PTPRR: variants seen among roughly 807,000 people sequenced by gnomAD.
The protein encoded by PTPRR is receptor-type tyrosine-protein phosphatase R.
PTPRR carries 38 observed loss-of-function variants against 77.2 expected under a neutral mutation model. That is an observed-to-expected ratio of 0.49 (90% CI 0.38 to 0.65). PTPRR has a LOEUF of 0.65. PTPRR is among the 30% of genes least tolerant of loss of function. PTPRR has a pLI of 0.00. For missense variants in PTPRR, 744 were observed against 799.2 expected (o/e 0.93, Z 0.83); for synonymous variants, 299 against 283.1 (o/e 1.06, Z -0.57).
Position 70,920,354 on chromosome 12 carries a change from G to C in PTPRR, c.37C>G (p.Leu13Val). The change falls in exon 1 of 14, where the codon CTC becomes GTC. Residue 13 changes from leucine to valine, a missense_variant. By Grantham distance (32) the Leu-to-Val change is conservative (BLOSUM62 1). Transcript: ENST00000283228. ...RAVCFPALCL[L>V]LNLHAAGCFS... ...TTACCTGCAGCGTGAAGATTAAGGAGCAGGCACAGCGCAGGGAAGCAGACT... is the reference window on the plus strand; with the variant it reads ...TTACCTGCAGCGTGAAGATTAAGGACCAGGCACAGCGCAGGGAAGCAGACT... The C allele has an allele frequency of 6.2e-7, 1 of 1,613,912 alleles. No individual in the cohort carries two copies. The highest frequency in any genetic ancestry group is 8.5e-7 in the Non-Finnish European group (1 of 1,179,928).
intron 1 of PTPRR, among the ~76,000 whole-genome samples, chr12:70,900,045 A>G (rs1192604215): frequency 6.6e-6 from 1 of 151,594 alleles, no homozygotes; most frequent in East Asian, 1.9e-4. Flanking sequence ...TAAATAAACA[A>G]CAAATATACT....
intron 9 of PTPRR, 40 bp downstream of exon 9, chr12:70,684,664 T>A (rs780453941): frequency 7.5e-7 from 1 of 1,338,240 alleles, no homozygotes; most frequent in Non-Finnish European, 1.0e-6. Flanking sequence ...CAATTCCAAA[T>A]AGGAAGTCAC....
At chr12:70,846,968 A>T (rs1425835732) in intron 2 of PTPRR, among the ~76,000 whole-genome samples, 1 of 151,956 alleles carries the variant, frequency 6.6e-6, no homozygotes, top group Non-Finnish European at 1.5e-5. Context: ...CCTCCCTCTC[A>T]TGCCACTGTG....
At chr12:70,867,707 A>G (rs943617479) in intron 2 of PTPRR, among the ~76,000 whole-genome samples, 34 of 152,302 alleles carry the variant, frequency 2.2e-4, no homozygotes, top group Non-Finnish European at 4.4e-4. Flanking sequence ...ATATGGAACC[A>G]AAAAAGAGCC....
chr12:70,784,521 C>T (rs915771882), intron 2 of PTPRR, among the ~76,000 whole-genome samples: 1 of 152,172 alleles, frequency 6.6e-6, no homozygotes, highest in Non-Finnish European at 1.5e-5. Context: ...AACCTAGCCC[C>T]GCTCCAATGG....
intron 4 of PTPRR, among the ~76,000 whole-genome samples, chr12:70,755,697 A>G (rs1890545690): frequency 6.6e-6 from 1 of 152,118 alleles, no homozygotes. Context: ...GATACAAGAA[A>G]TGATTTAGAT....
intron 2 of PTPRR, among the ~76,000 whole-genome samples, chr12:70,768,117 C>G (rs369749519): frequency 1.1e-4 from 17 of 151,856 alleles, no homozygotes; most frequent in South Asian, 4.2e-4. Context: ...AGAAAAGCAA[C>G]AGCAAACACA....
intron 2 of PTPRR, among the ~76,000 whole-genome samples, chr12:70,853,453 G>C (rs1003747488): frequency 1.6e-4 from 24 of 152,184 alleles, no homozygotes; most frequent in Admixed American, 1.2e-3. Context: ...CCAAAGCATG[G>C]ACATTTGCTT....
intron 2 of PTPRR, among the ~76,000 whole-genome samples, chr12:70,777,852 C>T (rs1891123111): frequency 6.6e-6 from 1 of 152,182 alleles, no homozygotes; most frequent in Admixed American, 6.5e-5. Context: ...GAGTTAAAAA[C>T]AAATTTTTAT....
chr12:70,817,108 T>A (rs1592773765), intron 2 of PTPRR, among the ~76,000 whole-genome samples: 1 of 152,300 alleles, frequency 6.6e-6, no homozygotes, highest in South Asian at 2.1e-4. Flanking sequence ...TTATACTTTT[T>A]AATTCAATAA....
intron 2 of PTPRR, among the ~76,000 whole-genome samples, chr12:70,840,129 G>A (rs981807341): frequency 3.9e-5 from 6 of 152,074 alleles, no homozygotes; most frequent in South Asian, 4.1e-4. Flanking sequence ...AATCTGACAC[G>A]GTCTTACTAG....
chr12:70,754,767 A>G lies in PTPRR; in HGVS notation c.628-466T>C, dbSNP rs377006017. 7 of 1,526,302 alleles carry G rather than the reference A, an allele frequency of 4.6e-6. No homozygotes were observed. In the African/African-American group the frequency reaches 6.9e-5, roughly 15 times the overall value. 94.5% of individuals were successfully genotyped at this position (1,526,302 alleles called of 1,614,324 possible). On this transcript the variant is annotated intron_variant, in intron 4 of 13. Transcript: ENST00000283228. ...AAAAGCTTGTGGTGCATTAATAAAT[A>G]CAGCAACAATGCCAGCATTATTTCC... is the stretch of plus-strand genomic sequence containing the variant.
intron 1 of PTPRR, among the ~76,000 whole-genome samples, chr12:70,908,452 T>C (rs1423648564): frequency 2.0e-5 from 3 of 152,070 alleles, no homozygotes; most frequent in Admixed American, 1.3e-4. Flanking sequence ...ACATCCCTCT[T>C]CACATGGCAG....
chr12:70,898,458 CT>C (rs2137123541), intron 1 of PTPRR, among the ~76,000 whole-genome samples: 1 of 149,000 alleles, frequency 6.7e-6, no homozygotes, highest in East Asian at 2.0e-4. Flanking sequence ...CTTTTTTTAA[CT>C]CCTTGATACT....
At chr12:70,720,979 A>G (rs959038847) in intron 6 of PTPRR, among the ~76,000 whole-genome samples, 7 of 152,208 alleles carry the variant, frequency 4.6e-5, no homozygotes, top group Admixed American at 4.6e-4. Flanking sequence ...GCTCCTTAAC[A>G]GCACTGCTTT....
At chr12:70,676,403 G>A (rs546846564) in intron 10 of PTPRR, among the ~76,000 whole-genome samples, 2 of 151,624 alleles carry the variant, frequency 1.3e-5, no homozygotes, top group Non-Finnish European at 2.9e-5. Context: ...TATGCTTTTT[G>A]TGCTTAATTA....
intron 2 of PTPRR, among the ~76,000 whole-genome samples, chr12:70,808,991 T>C (rs1395093115): frequency 2.6e-5 from 4 of 152,166 alleles, no homozygotes; most frequent in Admixed American, 2.0e-4. Context: ...GGAGATAGTA[T>C]AGGGAGATTG....
At chr12:70,743,086 G>T (rs1385137243) in intron 6 of PTPRR, among the ~76,000 whole-genome samples, 1 of 152,198 alleles carries the variant, frequency 6.6e-6, no homozygotes, top group Non-Finnish European at 1.5e-5. Context: ...AAGATAAGAA[G>T]TGGCCATGGT....
At chr12:70,761,349 A>C (rs754699495) in intron 4 of PTPRR, 122 bp downstream of exon 4, 1 of 942,324 alleles carries the variant, frequency 1.1e-6, no homozygotes, top group Non-Finnish European at 1.5e-6. Flanking sequence ...ACACTCAGGG[A>C]AATTTTTATT....
Sources: allele counts gnomAD v4.1 joint callset (sites outside exome capture counted in the v4.1 genomes callset), GRCh38; gene constraint gnomAD v4.1.1; transcripts MANE v1.5; gene names NCBI Gene and HGNC (gene_info 2026-07-23, HGNC 2026-07-21).